The following UGGT2 variants were observed in gnomAD, a reference collection of about 807,000 sequenced individuals.
UGGT2 encodes UDP-glucose glycoprotein glucosyltransferase 2.
In UGGT2, 180 loss-of-function variants were observed where a neutral mutation model predicts 192.1. The ratio of observed to expected loss-of-function variants is 0.94; its 90% confidence interval spans 0.83 to 1.06. The LOEUF (loss-of-function observed/expected upper bound fraction) is 1.06, where lower values mean the gene tolerates loss of function less well. Ranked by LOEUF, UGGT2 falls within the 50% of genes least tolerant of loss-of-function variation. The pLI, the probability that UGGT2 is intolerant of heterozygous loss-of-function variation, is 0.00. For missense variants in UGGT2, 1,849 were observed against 1,795.7 expected (o/e 1.03, Z -0.54); for synonymous variants, 580 against 591.0 (o/e 0.98, Z 0.27).
rs996286011 is a variant in UGGT2 at position 95,928,374 on chromosome 13, C to T, written c.1978-1038G>A. Among the ~76,000 whole-genome samples, 58 of 87,230 alleles carry T rather than the reference C, an allele frequency of 6.6e-4. 1 individual carries two copies. In the Middle Eastern group the frequency reaches 0.015, roughly 22 times the overall value. 57.2% of individuals were successfully genotyped at this position (87,230 alleles called of 152,430 possible). On this transcript the variant is annotated intron_variant, in intron 17 of 38. Transcript: ENST00000376747. ...CCTCCCGGACAGGACGGCTGCCGGG[C>T]GGAGACGCTCCTCACTTCCCGGACG...
intron 17 of UGGT2, among the ~76,000 whole-genome samples, chr13:95,934,741 T>A (rs933216564): frequency 6.6e-5 from 10 of 152,144 alleles, no homozygotes; most frequent in African/African-American, 2.4e-4. Context: ...ACTCCTCAGC[T>A]CAAGCGATCC....
intron 37 of UGGT2, among the ~76,000 whole-genome samples, chr13:95,834,542 A>G (rs1243461446): frequency 6.6e-6 from 1 of 152,126 alleles, no homozygotes; most frequent in East Asian, 1.9e-4. Flanking sequence ...CCCACCTTCA[A>G]TATTATTAGT....
intron 21 of UGGT2, 66 bp downstream of exon 21, chr13:95,902,788 C>G (rs926911609): frequency 1.4e-6 from 2 of 1,455,768 alleles, no homozygotes; most frequent in African/African-American, 2.8e-5. Context: ...AACAATATCT[C>G]CAAATACACT....
At chr13:96,047,255 C>A (rs751087004) in intron 1 of UGGT2, among the ~76,000 whole-genome samples, 8 of 152,162 alleles carry the variant, frequency 5.3e-5, no homozygotes, top group Non-Finnish European at 1.0e-4. Context: ...CAGCCGGGTG[C>A]CCCTCTGAGA....
chr13:95,845,539 G>A (rs924066799), intron 36 of UGGT2, among the ~76,000 whole-genome samples: 1 of 151,552 alleles, frequency 6.6e-6, no homozygotes, highest in Non-Finnish European at 1.5e-5. Flanking sequence ...TCTTAGTACA[G>A]AACAAAATGG....
At chr13:96,050,936 G>A (rs1358070667) in intron 1 of UGGT2, among the ~76,000 whole-genome samples, 2 of 152,182 alleles carry the variant, frequency 1.3e-5, no homozygotes, top group African/African-American at 4.8e-5. Flanking sequence ...ATTCCTCAAG[G>A]ATGTAGGACT....
intron 5 of UGGT2, among the ~76,000 whole-genome samples, chr13:96,004,615 T>G (rs2139032880): frequency 6.6e-6 from 1 of 152,192 alleles, no homozygotes; most frequent in African/African-American, 2.4e-5. Flanking sequence ...TGTGCCATGC[T>G]GGTGCGCTGC....
intron 14 of UGGT2, among the ~76,000 whole-genome samples, 164 bp downstream of exon 14, chr13:95,947,832 G>C (rs2049928598): frequency 6.6e-6 from 1 of 152,140 alleles, no homozygotes; most frequent in African/African-American, 2.4e-5. Context: ...GATAAACAGA[G>C]TCTAACATAA....
At chr13:95,910,106 AG>A (rs753341880) in intron 20 of UGGT2, among the ~76,000 whole-genome samples, 1 of 152,214 alleles carries the variant, frequency 6.6e-6, no homozygotes, top group Non-Finnish European at 1.5e-5. Flanking sequence ...AAACATGGAA[AG>A]GAACAACCAG....
chr13:95,919,663 T>C (rs2048787348), intron 20 of UGGT2, among the ~76,000 whole-genome samples: 1 of 152,152 alleles, frequency 6.6e-6, no homozygotes, highest in South Asian at 2.1e-4. Flanking sequence ...ATAGAATCTC[T>C]TCAAGGAGAA....
At position 95,902,904 on chromosome 13, in the gene UGGT2, T is replaced by C. The variant is rs1297130265; in HGVS notation, c.2452A>G (p.Ile818Val). 1 of 1,613,546 alleles carries C rather than the reference T, an allele frequency of 6.2e-7. No individual in the cohort carries two copies. The highest frequency in any genetic ancestry group is 1.1e-5 in the South Asian group (1 of 91,060). ...TCTCCAGAGTAAATAGCTGTAGCAA[T>C]TTCTTCCTTTGCCAGTTGCCCAAGA... Reference protein sequence around the residue: ...SFLGQLAKEEIATAIYSGDKI... With the variant: ...SFLGQLAKEEVATAIYSGDKI... Residue 818 changes from isoleucine to valine, a missense_variant, in exon 21 of 39, where the codon ATT becomes GTT. Physicochemically the swap from Ile to Val is conservative, Grantham distance 29. Coordinates refer to ENST00000376747, the MANE Select transcript of UGGT2 (RefSeq NM_020121.4).
chr13:95,827,504 AG>A (rs1886166522), intron 38 of UGGT2, among the ~76,000 whole-genome samples: 3 of 152,288 alleles, frequency 2.0e-5, no homozygotes, highest in Admixed American at 6.5e-5. Flanking sequence ...AGCCCTCAGA[AG>A]GTATCAACCC....
At chr13:95,817,212 A>G (rs1277898038) in intron 38 of UGGT2, among the ~76,000 whole-genome samples, 1 of 152,238 alleles carries the variant, frequency 6.6e-6, no homozygotes, top group African/African-American at 2.4e-5. Context: ...ATCAAAGTGT[A>G]ACATAAGATC....
chr13:95,978,049 C>A (rs566592346), intron 10 of UGGT2, among the ~76,000 whole-genome samples: 1 of 152,042 alleles, frequency 6.6e-6, no homozygotes, highest in East Asian at 1.9e-4. Context: ...GGAGAGAGAG[C>A]ATTAGGACAA....
At chr13:95,861,831 AG>A (rs1327991892) in intron 31 of UGGT2, among the ~76,000 whole-genome samples, 1 of 149,160 alleles carries the variant, frequency 6.7e-6, no homozygotes, top group Non-Finnish European at 1.5e-5. Context: ...ATTCTAAGTT[AG>A]GACTAAAACT....
At chr13:95,995,537 G>A (rs1034528418) in intron 7 of UGGT2, among the ~76,000 whole-genome samples, 1 of 151,918 alleles carries the variant, frequency 6.6e-6, no homozygotes, top group Non-Finnish European at 1.5e-5. Flanking sequence ...ATTTCAAGAA[G>A]CACATATACT....
chr13:95,903,642 T>A (rs2048178916), intron 20 of UGGT2, among the ~76,000 whole-genome samples: 1 of 152,210 alleles, frequency 6.6e-6, no homozygotes, highest in East Asian at 1.9e-4. Context: ...AATACTGTTT[T>A]CTGTAGCTGT....
At chr13:95,916,710 T>C (rs1247704984) in intron 20 of UGGT2, among the ~76,000 whole-genome samples, 1 of 152,074 alleles carries the variant, frequency 6.6e-6, no homozygotes, top group Non-Finnish European at 1.5e-5. Flanking sequence ...GGAATATAAA[T>C]GACCTGATGG....
Position 95,970,160 on chromosome 13 carries a change from G to A in UGGT2, c.1287C>T (p.His429=). The change falls in exon 12 of 39, where the codon CAC becomes CAT. Residue 429 remains histidine, a synonymous_variant. Transcript: ENST00000376747. The stretch of plus-strand genomic sequence containing the variant: ...CTAATACATAAGTATATTCCCAAAT[G>A]TGTGAATTTAATTTTAAAAATTTGC... ...DMSKFLKLNS[H]IWEYTYVLDI... 6.2e-7 allele frequency: 1 copy of A among 1,609,760 alleles called. No homozygotes were observed. Among genetic ancestry groups the A allele is most frequent in the Non-Finnish European group, 8.5e-7 (1 of 1,176,296 alleles).
Sources: gnomAD v4.1 joint callset for allele counts (sites outside exome capture counted in the v4.1 genomes callset) on GRCh38, gnomAD v4.1.1 for gene constraint, MANE v1.5 for transcripts, NCBI Gene and HGNC (gene_info 2026-07-23, HGNC 2026-07-21) for gene names.